The following NALF1 variants were observed in gnomAD, a reference collection of about 807,000 sequenced individuals.
NALF1 encodes the protein family with sequence similarity 155 member A.
In NALF1, 3 loss-of-function variants were observed where a neutral mutation model predicts 48.4. The observed-to-expected ratio is 0.06, with a 90% CI of 0.03 to 0.16. The LOEUF (loss-of-function observed/expected upper bound fraction) is 0.16. NALF1 is among the 10% of genes least tolerant of loss of function. The probability of loss-of-function intolerance (pLI) is 1.00; values close to 1 mark genes in which losing one functional copy is unlikely to be tolerated. For missense variants in NALF1, 526 were observed against 571.5 expected (o/e 0.92, Z 0.81); for synonymous variants, 262 against 245.7 (o/e 1.07, Z -0.62).
At chr13:107,700,503 G>A (rs3908999) in intron 1 of NALF1, among the ~76,000 whole-genome samples, 98,006 of 151,700 alleles carry the variant, frequency 0.65, 32,000 homozygotes, top group Non-Finnish European at 0.67. Flanking sequence ...ATGAATAAAG[G>A]CTCTAAATGT....
Position 107,269,834 on chromosome 13 carries a change from G to A in NALF1, c.916-59079C>T, listed in dbSNP as rs527466641. Among the ~76,000 whole-genome samples the A allele has an allele frequency of 2.7e-5, 4 of 147,964 alleles. No individual in the cohort carries two copies. In the East Asian group the frequency reaches 5.9e-4, roughly 22 times the overall value. Reference sequence around the variant, plus strand: ...TTTCTTTTTTTTTTTTGCAAGCTCCGCCTCCCGGGTTCACGCCATTCTCCT... The same window carrying A: ...TTTCTTTTTTTTTTTTGCAAGCTCCACCTCCCGGGTTCACGCCATTCTCCT... On this transcript the variant is annotated intron_variant, in intron 1 of 2. Transcript: ENST00000375915.
intron 1 of NALF1, among the ~76,000 whole-genome samples, chr13:107,380,356 C>T (rs897525864): frequency 2.6e-5 from 4 of 152,078 alleles, no homozygotes; most frequent in African/African-American, 4.8e-5. Context: ...AATCATAAGG[C>T]TTTATATACA....
chr13:107,578,712 C>A (rs1333498314), intron 1 of NALF1, among the ~76,000 whole-genome samples: 3 of 152,064 alleles, frequency 2.0e-5, no homozygotes, highest in South Asian at 4.1e-4. Flanking sequence ...AATGAGTTAT[C>A]TTTAATATAA....
At chr13:107,501,772 C>T (rs1186726199) in intron 1 of NALF1, among the ~76,000 whole-genome samples, 1 of 152,118 alleles carries the variant, frequency 6.6e-6, no homozygotes, top group Non-Finnish European at 1.5e-5. Flanking sequence ...ATTTCAGGCA[C>T]TTATTTTAAT....
intron 1 of NALF1, among the ~76,000 whole-genome samples, chr13:107,653,269 T>C (rs1330628470): frequency 1.3e-5 from 2 of 149,906 alleles, no homozygotes; most frequent in African/African-American, 4.8e-5. Flanking sequence ...AAACGAATTC[T>C]CTCATATTCT....
chr13:107,551,718 T>C (rs1395767703), intron 1 of NALF1, among the ~76,000 whole-genome samples: 1 of 152,094 alleles, frequency 6.6e-6, no homozygotes, highest in Non-Finnish European at 1.5e-5. Context: ...ATGTTGAAAT[T>C]AACAGTAACC....
At chr13:107,508,607 G>A (rs1284841083) in intron 1 of NALF1, among the ~76,000 whole-genome samples, 1 of 151,968 alleles carries the variant, frequency 6.6e-6, no homozygotes, top group Non-Finnish European at 1.5e-5. Context: ...ATAAAATGCA[G>A]TTCTAGTATT....
intron 1 of NALF1, among the ~76,000 whole-genome samples, chr13:107,511,852 C>A (rs1481527346): frequency 1.3e-5 from 2 of 152,174 alleles, no homozygotes; most frequent in African/African-American, 4.8e-5. Flanking sequence ...AAGGTTATTC[C>A]TCTCTTCACC....
chr13:107,618,347 G>T (rs1879434346), intron 1 of NALF1, among the ~76,000 whole-genome samples: 1 of 152,214 alleles, frequency 6.6e-6, no homozygotes, highest in Non-Finnish European at 1.5e-5. Context: ...GCAGTGTTGT[G>T]AGCAAAGGGA....
At chr13:107,705,959 A>G (rs770696195) in intron 1 of NALF1, among the ~76,000 whole-genome samples, 6 of 152,090 alleles carry the variant, frequency 3.9e-5, no homozygotes, top group East Asian at 3.9e-4. Context: ...GAGAGAGAGA[A>G]AGAGATAGAC....
In NALF1 at chr13:107,773,540, T is replaced by C. The variant is rs16971099; in HGVS notation, c.915+92142A>G. 0.038 allele frequency among the ~76,000 whole-genome samples: 5,847 copies of C among 152,178 alleles called. 561 individuals carry two copies. The East Asian group carries it at 0.43, about 11-fold the overall frequency. Reference sequence around the variant, plus strand: ...CCTAATTCTATTCCTGTATTTTGAATAATTTTTCTAAAACCAAGTATTATT... The same window carrying C: ...CCTAATTCTATTCCTGTATTTTGAACAATTTTTCTAAAACCAAGTATTATT... On this transcript the variant is annotated intron_variant, in intron 1 of 2. Coordinates refer to ENST00000375915, the MANE Select transcript of NALF1 (RefSeq NM_001080396.3).
At chr13:107,776,232 TCAGA>T (rs1421072338) in intron 1 of NALF1, among the ~76,000 whole-genome samples, 2 of 152,150 alleles carry the variant, frequency 1.3e-5, no homozygotes, top group Admixed American at 6.5e-5. Flanking sequence ...AGCTATGGAG[TCAGA>T]CAGGCTAGGT....
intron 1 of NALF1, among the ~76,000 whole-genome samples, chr13:107,419,507 A>G (rs1594053163): frequency 6.6e-6 from 1 of 152,184 alleles, no homozygotes; most frequent in Non-Finnish European, 1.5e-5. Flanking sequence ...GGTAGATTTC[A>G]TATCACTGAA....
intron 1 of NALF1, among the ~76,000 whole-genome samples, chr13:107,384,238 G>A (rs150756373): frequency 2.6e-5 from 4 of 152,170 alleles, no homozygotes; most frequent in Admixed American, 2.6e-4. Flanking sequence ...GGGCGACTGA[G>A]TGAGATCCTG....
chr13:107,450,686 T>C (rs1884726537), intron 1 of NALF1, among the ~76,000 whole-genome samples: 2 of 152,162 alleles, frequency 1.3e-5, no homozygotes, highest in Admixed American at 1.3e-4. Context: ...CCCCAGCGTC[T>C]GTGGCCGGAA....
At chr13:107,408,651 G>C (rs970216356) in intron 1 of NALF1, among the ~76,000 whole-genome samples, 2 of 152,070 alleles carry the variant, frequency 1.3e-5, no homozygotes, top group African/African-American at 4.8e-5. Flanking sequence ...TTCTGTGACA[G>C]ATGACAATCA....
intron 1 of NALF1, among the ~76,000 whole-genome samples, chr13:107,595,957 T>A (rs1878732510): frequency 6.6e-6 from 1 of 152,038 alleles, no homozygotes; most frequent in Non-Finnish European, 1.5e-5. Flanking sequence ...ATTTAGCCAC[T>A]GGTCACTGAC....
chr13:107,828,231 A>G (rs1245871652), intron 1 of NALF1, among the ~76,000 whole-genome samples: 1 of 152,188 alleles, frequency 6.6e-6, no homozygotes, highest in African/African-American at 2.4e-5. Flanking sequence ...GGTCCCTTTT[A>G]GTAGCACTGA....
At chr13:107,410,409 T>C (rs1370937788) in intron 1 of NALF1, among the ~76,000 whole-genome samples, 2 of 152,138 alleles carry the variant, frequency 1.3e-5, no homozygotes, top group Non-Finnish European at 2.9e-5. Flanking sequence ...GATTGGCCTA[T>C]GAAACCAAGA....
Sources: gnomAD v4.1 joint callset for allele counts (sites outside exome capture counted in the v4.1 genomes callset) on GRCh38, gnomAD v4.1.1 for gene constraint, MANE v1.5 for transcripts, NCBI Gene and HGNC (gene_info 2026-07-23, HGNC 2026-07-21) for gene names.